Variants in PKP2 observed in about 807,000 individuals in gnomAD.
PKP2 encodes the protein plakophilin 2, also known as plakophilin-2.
Under a neutral mutation model 83.4 loss-of-function variants are expected in PKP2, and 73 were observed. The ratio of observed to expected loss-of-function variants is 0.88; its 90% CI spans 0.72 to 1.06. PKP2 has a LOEUF of 1.06. Ranked by LOEUF, PKP2 falls within the 50% of genes least tolerant of loss-of-function variation. The pLI is 0.00. For synonymous variants in PKP2, 409 were observed against 430.4 expected (o/e 0.95, Z 0.62); for missense variants, 966 against 1,065.4 (o/e 0.91, Z 1.30).
At chr12:32,821,616 G>C in intron 8 of PKP2, 87 bp from the exon 9 acceptor site, 1 of 1,295,176 alleles carries the variant, frequency 7.7e-7, no homozygotes, top group East Asian at 2.3e-5. Flanking sequence ...CAGAAATACT[G>C]TCTAGAAAGG....
chr12:32,864,944 T>C (rs1251892715), intron 4 of PKP2, among the ~76,000 whole-genome samples: 1 of 152,222 alleles, frequency 6.6e-6, no homozygotes, highest in Non-Finnish European at 1.5e-5. Flanking sequence ...AAGTAGGATG[T>C]GGTTGACTTG....
rs1592744899 is a variant in PKP2 at position 32,838,026 on chromosome 12, T to C, written c.1556+3002A>G. Among the ~76,000 whole-genome samples the C allele has an allele frequency of 4.6e-5, 7 of 152,208 alleles. No homozygotes were observed. The South Asian group carries it at 1.4e-3, about 32-fold the overall frequency. On this transcript the variant is annotated intron_variant, in intron 6 of 12. Transcript: ENST00000340811. Reference sequence around the variant, plus strand: ...TAAATTGTTCTATCAAAAAGGCACATGCGCTCGCATGTTCATCGCAGGACT... The same window carrying C: ...TAAATTGTTCTATCAAAAAGGCACACGCGCTCGCATGTTCATCGCAGGACT...
At chr12:32,845,765 C>T (rs541332865) in intron 5 of PKP2, among the ~76,000 whole-genome samples, 4 of 151,984 alleles carry the variant, frequency 2.6e-5, no homozygotes, top group Admixed American at 6.6e-5. Flanking sequence ...TCTTTTTAAC[C>T]GTGTTTTTCA....
chr12:32,868,069 G>T (rs1272571026), intron 4 of PKP2, among the ~76,000 whole-genome samples: 2 of 152,208 alleles, frequency 1.3e-5, no homozygotes, highest in Non-Finnish European at 2.9e-5. Flanking sequence ...CTCTGGGGAT[G>T]GTTCTAAATG....
At chr12:32,798,695 G>A (rs1197782331) in intron 10 of PKP2, among the ~76,000 whole-genome samples, 2 of 152,140 alleles carry the variant, frequency 1.3e-5, no homozygotes, top group African/African-American at 4.8e-5. Flanking sequence ...AAATGATGCT[G>A]GGATAATTGG....
chr12:32,832,097 A>G (rs1266755330), intron 6 of PKP2, among the ~76,000 whole-genome samples: 1 of 152,114 alleles, frequency 6.6e-6, no homozygotes, highest in East Asian at 1.9e-4. Flanking sequence ...TTAAAGAAAA[A>G]GCTGGCCAGG....
In PKP2 at chr12:32,877,921, G is replaced by C; in HGVS notation, c.959C>G (p.Thr320Ser). The C allele has an allele frequency of 6.2e-7, 1 of 1,614,188 alleles. No individual in the cohort carries two copies. Among genetic ancestry groups the C allele is most frequent in the Admixed American group, 1.7e-5 (1 of 60,028 alleles). ...VDSSGRRAHL[T>S]VGQAAAGGSG... is the part of the protein sequence containing the mutation. ...TCCCCCTGCGGCCGCCTGGCCGACAGTCAAGTGCGCTCTCCTCCCGCTGGA... is the reference window on the plus strand; with the variant it reads ...TCCCCCTGCGGCCGCCTGGCCGACACTCAAGTGCGCTCTCCTCCCGCTGGA... Residue 320 changes from threonine (T) to serine (S), a missense_variant, in exon 3 of 13, where the codon ACT becomes AGT. By Grantham distance (58) the Thr-to-Ser change is moderately conservative. Coordinates refer to ENST00000340811, the MANE Select transcript of PKP2 (RefSeq NM_001005242.3).
intron 1 of PKP2, among the ~76,000 whole-genome samples, chr12:32,889,872 C>T (rs958545525): frequency 1.3e-5 from 2 of 151,764 alleles, no homozygotes; most frequent in Admixed American, 6.6e-5. Flanking sequence ...GTCAGGAGAT[C>T]GAGACCATCC....
At chr12:32,804,016 TA>T (rs988461646) in intron 9 of PKP2, among the ~76,000 whole-genome samples, 24 of 151,464 alleles carry the variant, frequency 1.6e-4, no homozygotes, top group African/African-American at 4.2e-4. Context: ...TTAATACAGT[TA>T]AAAAAAATAA....
chr12:32,852,885 C>T (rs1267365157), intron 4 of PKP2, among the ~76,000 whole-genome samples: 2 of 152,088 alleles, frequency 1.3e-5, no homozygotes, highest in Non-Finnish European at 2.9e-5. Context: ...AGTTCGAGAC[C>T]AGCCTGGCCA....
At chr12:32,851,027 G>A in intron 4 of PKP2, 54 bp from the exon 5 acceptor site, 1 of 1,406,928 alleles carries the variant, frequency 7.1e-7, no homozygotes. Context: ...TGGCATCAAG[G>A]CATTCAATGT....
rs972383671 is a variant in PKP2, at chr12:32,851,581, G to A, written c.1171-608C>T. ...CCTCCCAGGTTCACACCATTCTCCC[G>A]CCTCAGCCTCCTGGGTAGCTGGGAC... is the stretch of plus-strand genomic sequence containing the variant. On this transcript the variant is annotated intron_variant, in intron 4 of 12. Transcript: ENST00000340811. 7.2e-5 allele frequency among the ~76,000 whole-genome samples: 11 copies of A among 152,002 alleles called. No homozygotes were observed. In the South Asian group the frequency reaches 1.2e-3, roughly 17 times the overall value.
intron 4 of PKP2, among the ~76,000 whole-genome samples, chr12:32,865,171 T>A (rs1956835538): frequency 6.6e-6 from 1 of 151,638 alleles, no homozygotes; most frequent in African/African-American, 2.4e-5. Context: ...GGTCAGGAGT[T>A]GGAGACCAGC....
intron 9 of PKP2, among the ~76,000 whole-genome samples, chr12:32,806,686 T>TGTGTGTGTGTGTGTGTGTGTGTG (rs1956228649): frequency 6.7e-6 from 1 of 149,614 alleles, no homozygotes; most frequent in East Asian, 2.0e-4. Flanking sequence ...TTTGAAGGGT[T>TGTGTGTGTGTGTGTGTGTGTGTG]TGTGTGTGTG....
chr12:32,896,472 C>T, intron 1 of PKP2, 37 bp downstream of exon 1: 3 of 1,414,178 alleles, frequency 2.1e-6, no homozygotes, highest in Non-Finnish European at 2.8e-6. Context: ...GGGTGTGGGG[C>T]AGGGGGCGGC....
At chr12:32,824,446 A>G (rs1038349836) in intron 6 of PKP2, 1 of 403,974 alleles carries the variant, frequency 2.5e-6, no homozygotes, top group African/African-American at 2.0e-5. Flanking sequence ...CTCCATTTTG[A>G]GTGTGGATAT....
chr12:32,802,452 G>C lies in PKP2; in HGVS notation c.2118C>G (p.Ile706Met). ...TCCGGGACAGATTCCTCAGCAGCGA[G>C]ATGGCTGTCTTTTTCACACTTGGGT... ...VGDPSVKKTA[I>M]SLLRNLSRNL... is the part of the protein sequence containing the mutation. The change falls in exon 10 of 13, where the codon ATC (isoleucine) becomes ATG (methionine). Residue 706 changes from isoleucine (I) to methionine (M), a missense_variant. By Grantham distance (10) the Ile-to-Met change is conservative. Transcript: ENST00000340811. The C allele has an allele frequency of 6.2e-7, 1 of 1,614,140 alleles. No homozygotes were observed. Among genetic ancestry groups the C allele is most frequent in the Non-Finnish European group, 8.5e-7 (1 of 1,180,026 alleles).
intron 6 of PKP2, among the ~76,000 whole-genome samples, chr12:32,836,938 G>A (rs1329861235): frequency 6.6e-6 from 1 of 152,064 alleles, no homozygotes; most frequent in East Asian, 1.9e-4. Context: ...TTCTCCTAGT[G>A]GCCTTTCTAT....
At chr12:32,798,968 A>C (rs181065195) in intron 10 of PKP2, among the ~76,000 whole-genome samples, 145 of 152,376 alleles carry the variant, frequency 9.5e-4, no homozygotes, top group African/African-American at 3.4e-3. Context: ...TAATCAGCAG[A>C]GTAAACAGAC....
Sources: gnomAD v4.1 joint callset for allele counts (sites outside exome capture counted in the v4.1 genomes callset) on GRCh38, gnomAD v4.1.1 for gene constraint, MANE v1.5 for transcripts, NCBI Gene and HGNC (gene_info 2026-07-23, HGNC 2026-07-21) for gene names.